The following TADA3 variants were observed in gnomAD, a reference collection of about 807,000 sequenced individuals.
The protein encoded by TADA3 is transcriptional adapter 3.
Under a neutral mutation model 43.2 loss-of-function variants are expected in TADA3, and 25 were observed. The ratio of observed to expected loss-of-function variants is 0.58; its 90% CI spans 0.42 to 0.81. The LOEUF is 0.81. TADA3 is among the 30% of genes least tolerant of loss of function. The pLI, the probability that TADA3 is intolerant of heterozygous loss-of-function variation, is 0.00. For synonymous variants in TADA3, 235 were observed against 225.5 expected (o/e 1.04, Z -0.38); for missense variants, 441 against 567.8 (o/e 0.78, Z 2.27).
chr3:9,787,158 C>G, intron 5 of TADA3, 41 bp downstream of exon 5: 1 of 1,614,170 alleles, frequency 6.2e-7, no homozygotes, highest in Non-Finnish European at 8.5e-7. Flanking sequence ...TTCTGGAATT[C>G]AAGTCCTGAC....
intron 6 of TADA3, among the ~76,000 whole-genome samples, chr3:9,785,986 T>C (rs954762517): frequency 5.3e-5 from 8 of 151,956 alleles, no homozygotes; most frequent in Non-Finnish European, 8.8e-5. Context: ...ACCCAGGCTG[T>C]GGAGTGCAGT....
At chr3:9,787,544 GAC>G (rs1037600953) in intron 4 of TADA3, 10 of 948,602 alleles carry the variant, frequency 1.1e-5, no homozygotes, top group South Asian at 1.7e-5. Flanking sequence ...AAAGAACTAA[GAC>G]ACACACACAG....
In TADA3 at chr3:9,790,056, G is replaced by A. The variant is rs79274829; in HGVS notation, c.208-93C>T. 3,855 of 1,430,824 alleles carry A rather than the reference G, an allele frequency of 2.7e-3. 79 individuals are homozygous for A. The African/African-American group carries it at 0.048, about 18-fold the overall frequency. The allele number at this position is 1,430,824 out of a possible 1,614,324, so 88.6% of individuals were successfully genotyped here. On this transcript the variant is annotated intron_variant, in intron 2 of 8. Transcript: ENST00000301964. Reference sequence around the variant, plus strand: ...AATAAATTAGGATCTAGAATCTACAGAGGCTCCTGGGTCTTTCCCCATCCT... The same window carrying A: ...AATAAATTAGGATCTAGAATCTACAAAGGCTCCTGGGTCTTTCCCCATCCT...
At chr3:9,787,902 G>A (rs1403502181) in intron 4 of TADA3, 1 of 377,594 alleles carries the variant, frequency 2.6e-6, no homozygotes, top group Admixed American at 3.7e-5. Context: ...GAGACAAGAG[G>A]GAGAGAAGAG....
chr3:9,787,827 GAA>G, intron 4 of TADA3: 1 of 751,380 alleles, frequency 1.3e-6, no homozygotes, highest in Non-Finnish European at 2.0e-6. Context: ...TGGGGAATCT[GAA>G]AGAGTGCTTT....
chr3:9,792,435 C>T lies in TADA3; in HGVS notation c.-247G>A, dbSNP rs1575313228. On this transcript the variant is annotated 5_prime_UTR_variant, in exon 1 of 9. Coordinates refer to ENST00000301964, the MANE Select transcript of TADA3 (RefSeq NM_006354.5). ...CGGCCCCAGGGGCCGCGGGAGGGGGCGGGGAGTTCCGGTCGATGTGAGCAA... is the reference window on the plus strand; with the variant it reads ...CGGCCCCAGGGGCCGCGGGAGGGGGTGGGGAGTTCCGGTCGATGTGAGCAA... 1 of 1,095,066 alleles carries T rather than the reference C, an allele frequency of 9.1e-7. No individual in the cohort carries two copies. Among genetic ancestry groups the T allele is most frequent in the East Asian group, 4.7e-5 (1 of 21,328 alleles). 67.8% of individuals were successfully genotyped at this position (1,095,066 alleles called of 1,614,324 possible). A position where few individuals can be genotyped will look rare whatever the true frequency, so the allele number is the denominator to read the frequency against.
upstream of TADA3, chr3:9,792,961 A>G (rs773032983): frequency 2.8e-5 from 40 of 1,411,486 alleles, 1 homozygote; most frequent in Non-Finnish European, 3.7e-5. Flanking sequence ...AAACTTCCGG[A>G]AGGCCCAAGC....
At chr3:9,789,142 TTA>T (rs1453884417) in intron 4 of TADA3, among the ~76,000 whole-genome samples, 5 of 152,118 alleles carry the variant, frequency 3.3e-5, no homozygotes, top group Non-Finnish European at 7.4e-5. Context: ...AGCCCAAGTT[TTA>T]TATCTTAAAG....
At chr3:9,783,945 G>A in intron 8 of TADA3, 83 bp downstream of exon 8, 1 of 1,473,992 alleles carries the variant, frequency 6.8e-7, no homozygotes. Context: ...TGGAAAGCCT[G>A]TTGTAAAACC....
At chr3:9,787,718 T>C in intron 4 of TADA3, 2 of 1,305,776 alleles carry the variant, frequency 1.5e-6, no homozygotes, top group Non-Finnish European at 2.0e-6. Context: ...CTGTATGAAC[T>C]CTTTTTCAGA....
At chr3:9,781,705 T>C (rs1575292733) in intron 8 of TADA3, 1 of 424,112 alleles carries the variant, frequency 2.4e-6, no homozygotes, top group African/African-American at 2.0e-5. Context: ...GCCTGCCAGT[T>C]TTCCAGAAGG....
At chr3:9,781,275 T>C (rs759771381) in intron 8 of TADA3, among the ~76,000 whole-genome samples, 7 of 152,050 alleles carry the variant, frequency 4.6e-5, no homozygotes, top group East Asian at 3.9e-4. Context: ...TAAGACCCTG[T>C]CTCTAAAATA....
chr3:9,791,731 G>A (rs2078739064), intron 1 of TADA3, among the ~76,000 whole-genome samples: 2 of 152,182 alleles, frequency 1.3e-5, no homozygotes, highest in Non-Finnish European at 2.9e-5. Context: ...TTGTGATCTC[G>A]TTTTTACAGA....
Position 9,789,826 on chromosome 3 carries a change from G to A in TADA3, c.345C>T (p.Gly115=), listed in dbSNP as rs1476386378. 6 of 1,614,108 alleles carry A rather than the reference G, an allele frequency of 3.7e-6. No homozygotes were observed. Among genetic ancestry groups the A allele is most frequent in the Non-Finnish European group, 4.2e-6 (5 of 1,180,064 alleles). ...TGGATTTGGGCCGTCCTGGGCCAGG[G>A]CCCGGCCCATGTCCTGCCTTCCCTT... is the stretch of plus-strand genomic sequence containing the variant. The part of the protein sequence containing the change: ...KLEGKAGHGP[G]PGPGRPKSKN... The change falls in exon 3 of 9, where the codon GGC becomes GGT. Residue 115 remains glycine, a synonymous_variant. Transcript: ENST00000301964.
upstream of TADA3, chr3:9,792,745 A>C (rs1328422746): frequency 8.0e-7 from 1 of 1,243,050 alleles, no homozygotes; most frequent in East Asian, 3.2e-5. Flanking sequence ...ACAGAACCGG[A>C]AGAAACGAAG....
At chr3:9,787,808 A>C (rs2078651708) in intron 4 of TADA3, 4 of 932,108 alleles carry the variant, frequency 4.3e-6, no homozygotes, top group Non-Finnish European at 4.5e-6. Context: ...AGACTGACTA[A>C]CTTTCTGCTG....
intron 2 of TADA3, among the ~76,000 whole-genome samples, chr3:9,790,308 T>C (rs1038040625): frequency 6.6e-6 from 1 of 152,214 alleles, no homozygotes; most frequent in African/African-American, 2.4e-5. Flanking sequence ...TCTCAATCAG[T>C]TACCCAGGTT....
At chr3:9,781,142 G>C (rs1214350755) in intron 8 of TADA3, among the ~76,000 whole-genome samples, 1 of 151,662 alleles carries the variant, frequency 6.6e-6, no homozygotes, top group East Asian at 1.9e-4. Context: ...AAAAAAAAAA[G>C]GTCTTAAAAA....
intron 6 of TADA3, 80 bp from the exon 7 acceptor site, chr3:9,785,505 T>C: frequency 1.1e-6 from 1 of 922,572 alleles, no homozygotes; most frequent in South Asian, 1.6e-5. Context: ...CTGACAGTCT[T>C]CAAACACCAG....
Sources: allele counts gnomAD v4.1 joint callset (sites outside exome capture counted in the v4.1 genomes callset), GRCh38; gene constraint gnomAD v4.1.1; transcripts MANE v1.5; gene names NCBI Gene and HGNC (gene_info 2026-07-23, HGNC 2026-07-21).